RGMA: variants seen among roughly 807,000 people sequenced by gnomAD.
RGMA encodes repulsive guidance molecule A.
A neutral mutation model predicts 23.2 loss-of-function variants in RGMA; 10 were observed. The observed-to-expected ratio is 0.43, with a 90% CI of 0.27 to 0.73. The LOEUF is 0.73. RGMA is among the 30% of genes least tolerant of loss of function. RGMA has a pLI of 0.20. For synonymous variants in RGMA, 308 were observed against 279.3 expected, an observed-to-expected ratio of 1.10 and a Z score of -1.03; for missense variants, 547 against 630.5, an observed-to-expected ratio of 0.87 and a Z score of 1.42.
intron 2 of RGMA, among the ~76,000 whole-genome samples, chr15:93,065,134 T>C (rs920423268): frequency 1.3e-3 from 195 of 152,264 alleles, no homozygotes; most frequent in African/African-American, 4.4e-3. Flanking sequence ...CATGCCACAA[T>C]GCCCAGCTAA....
rs1341680330 is a variant in RGMA at position 93,041,514 on chromosome 15, AG to A, written c.*3483del. 6.6e-6 allele frequency: 1 copy of A among 152,246 alleles called. No homozygotes were observed. The highest frequency in any genetic ancestry group is 2.4e-5 in the African/African-American group (1 of 41,454). 9.4% of individuals were successfully genotyped at this position (152,246 alleles called of 1,614,324 possible). A position where few individuals can be genotyped will look rare whatever the true frequency, so the allele number is the denominator to read the frequency against. On this transcript the variant is annotated 3_prime_UTR_variant, in exon 4 of 4. Coordinates refer to ENST00000329082, the MANE Select transcript of RGMA (RefSeq NM_020211.3). ...AGCATGGCACTTGGGAAAGAATTCC[AG>A]CCGGTTACATTTAGGGTCCTGGAAA...
chr15:93,084,410 G>A (rs6497019), intron 1 of RGMA, among the ~76,000 whole-genome samples: 78,234 of 152,018 alleles, frequency 0.51, 20,873 homozygotes, highest in East Asian at 0.67. Flanking sequence ...AGACTTTGAT[G>A]GAGAGAACCA....
rs370788005 is a variant in RGMA at position 93,055,448 on chromosome 15, G to A, written c.131-2941C>T. ...CTCATTGCATCTTCCCGGTGCGACT[G>A]CCATCCCCAGCTCTCAGGGGAAAGC... On this transcript the variant is annotated intron_variant, in intron 2 of 3. Coordinates refer to ENST00000329082, the MANE Select transcript of RGMA (RefSeq NM_020211.3). 5.3e-5 allele frequency among the ~76,000 whole-genome samples: 8 copies of A among 152,164 alleles called. No individual in the cohort carries two copies. In the East Asian group the frequency reaches 1.5e-3, roughly 29 times the overall value.
intron 2 of RGMA, among the ~76,000 whole-genome samples, chr15:93,067,411 A>G (rs80235424): frequency 0.014 from 2,101 of 152,292 alleles, 55 homozygotes; most frequent in African/African-American, 0.048. Flanking sequence ...GGAGAAAAGA[A>G]GGGCATATAG....
At chr15:93,057,799 C>A (rs2055038063) in intron 2 of RGMA, among the ~76,000 whole-genome samples, 1 of 152,124 alleles carries the variant, frequency 6.6e-6, no homozygotes. Context: ...GTGTTTTCGC[C>A]CAGGGATTGC....
chr15:93,073,065 A>G (rs772723208), intron 1 of RGMA, 34 bp from the exon 2 acceptor site: 25 of 1,522,814 alleles, frequency 1.6e-5, no homozygotes, highest in Non-Finnish European at 2.2e-5. Context: ...AGAAGAAAAT[A>G]AATCACGCTG....
In RGMA at chr15:93,045,420, C is replaced by T; in HGVS notation, c.931G>A (p.Gly311Ser). The T allele has an allele frequency of 6.2e-7, 1 of 1,613,142 alleles. No homozygotes were observed. Among genetic ancestry groups the T allele is most frequent in the Non-Finnish European group, 8.5e-7 (1 of 1,179,808 alleles). Residue 311 changes from glycine (G) to serine (S), a missense_variant, in exon 4 of 4, where the codon GGT (glycine) becomes AGT (serine). Gly to Ser is a moderately conservative substitution (Grantham distance 56). This residue lies in a region of RGMA where 205 missense variants were observed against 204.1 expected (regional missense o/e 1.00). Transcript: ENST00000329082. This position sits in a 1 kb window ranked among gnomAD's most constrained non-coding sequence, Gnocchi z 6.9. ...VNAVEDWDSQ[G>S]LYLCLRGCPL... is the part of the protein sequence containing the mutation. ...CAGCCCCGCAGGCAGAGGTAGAGAC[C>T]CTGGCTGTCCCAGTCCTCCACAGCA...
Position 93,045,634 on chromosome 15 carries a change from G to A in RGMA, c.717C>T (p.Leu239=). ...QKVYQAEMDE[L]PAAFVDGSKN... Reference sequence around the variant, plus strand: ...TAGAGCCATCCACGAAGGCGGCCGGGAGCTCGTCCATCTCAGCCTGGTACA... The same window carrying A: ...TAGAGCCATCCACGAAGGCGGCCGGAAGCTCGTCCATCTCAGCCTGGTACA... Residue 239 remains leucine (L), a synonymous_variant, in exon 4 of 4, where the codon CTC becomes CTT. Coordinates refer to ENST00000329082, the MANE Select transcript of RGMA (RefSeq NM_020211.3). The surrounding 1 kb of genome is among the most constrained non-coding windows in gnomAD (Gnocchi z 6.9). The A allele has an allele frequency of 1.2e-6, 2 of 1,612,028 alleles. No homozygotes were observed. Among genetic ancestry groups the A allele is most frequent in the South Asian group, 2.2e-5 (2 of 91,078 alleles).
At position 93,044,573 on chromosome 15, in the gene RGMA, T is replaced by G. The variant is rs1045727617; in HGVS notation, c.*425A>C. On this transcript the variant is annotated 3_prime_UTR_variant, in exon 4 of 4. Coordinates refer to ENST00000329082, the MANE Select transcript of RGMA (RefSeq NM_020211.3). ...TCGAGTGTGCTCTCGTGTAAGAGTG[T>G]GTGCGTGCGTGTGGCGGGCACAGGG... is the stretch of plus-strand genomic sequence containing the variant. The G allele has an allele frequency of 4.3e-6, 1 of 230,060 alleles. No individual in the cohort carries two copies. Among genetic ancestry groups the G allele is most frequent in the African/African-American group, 2.3e-5 (1 of 43,814 alleles). 14.3% of individuals were successfully genotyped at this position (230,060 alleles called of 1,614,324 possible).
intron 1 of RGMA, 21 bp downstream of exon 1, chr15:93,088,898 C>T (rs1294006379): frequency 4.1e-6 from 6 of 1,479,814 alleles, no homozygotes; most frequent in South Asian, 2.6e-5. Context: ...CGGGTCTGCC[C>T]GGCTCCCGAC....
intron 1 of RGMA, among the ~76,000 whole-genome samples, chr15:93,081,267 A>T (rs1470399304): frequency 6.6e-6 from 1 of 152,166 alleles, no homozygotes; most frequent in East Asian, 1.9e-4. Context: ...GTAACTAACC[A>T]GCCTTGCCCA....
At chr15:93,056,645 C>A (rs1224016051) in intron 2 of RGMA, among the ~76,000 whole-genome samples, 2 of 152,194 alleles carry the variant, frequency 1.3e-5, no homozygotes, top group Non-Finnish European at 2.9e-5. Flanking sequence ...GAGCTCCGTG[C>A]CCCACTATTC....
intron 2 of RGMA, among the ~76,000 whole-genome samples, chr15:93,072,188 C>G (rs1596102917): frequency 2.0e-5 from 3 of 152,096 alleles, no homozygotes; most frequent in African/African-American, 7.2e-5. Flanking sequence ...GGTCTCCCTT[C>G]CCCCAACAAA....
rs554495558 is a variant in RGMA at position 93,063,759 on chromosome 15, A to G, written c.130+9157T>C. Among the ~76,000 whole-genome samples, 5 of 152,250 alleles carry G rather than the reference A, an allele frequency of 3.3e-5. No homozygotes were observed. In the East Asian group the frequency reaches 9.7e-4, roughly 29 times the overall value. On this transcript the variant is annotated intron_variant, in intron 2 of 3. Transcript: ENST00000329082. ...CTCCCACCCTTTGAATCCACTGGAA[A>G]TTTTCTAGGAGGTTTTCTCTAGAAA...
intron 1 of RGMA, chr15:93,073,261 C>A: frequency 3.1e-6 from 3 of 972,060 alleles, no homozygotes; most frequent in South Asian, 9.9e-5. Flanking sequence ...CTGCGCACCG[C>A]CCCCTCGCGC....
intron 2 of RGMA, among the ~76,000 whole-genome samples, chr15:93,054,229 CAAA>C (rs34699802): frequency 9.0e-6 from 1 of 110,938 alleles, no homozygotes; most frequent in Non-Finnish European, 1.8e-5. Flanking sequence ...GACTCCATCT[CAAA>C]AAAAAAAAAA....
chr15:93,071,056 G>C (rs1175394514), intron 2 of RGMA, among the ~76,000 whole-genome samples: 1 of 152,160 alleles, frequency 6.6e-6, no homozygotes, highest in Non-Finnish European at 1.5e-5. Flanking sequence ...GCAGCTTTAA[G>C]AGCGGGAAGG....
At chr15:93,077,550 G>C (rs1460801841) in intron 1 of RGMA, among the ~76,000 whole-genome samples, 1 of 152,204 alleles carries the variant, frequency 6.6e-6, no homozygotes, top group Non-Finnish European at 1.5e-5. Context: ...AATGGTGATT[G>C]CAAGTGACTC....
chr15:93,038,666 C>G lies in RGMA; in HGVS notation c.*6332G>C, dbSNP rs1351130513. Reference sequence around the variant, plus strand: ...CTCTGCTTGCTGCAAGTTCTGCCTCCCGGGTTCACGCCACTCTCTTGCCTC... The same window carrying G: ...CTCTGCTTGCTGCAAGTTCTGCCTCGCGGGTTCACGCCACTCTCTTGCCTC... On this transcript the variant is annotated 3_prime_UTR_variant, in exon 4 of 4. Transcript: ENST00000329082. 1.3e-5 allele frequency: 2 copies of G among 149,194 alleles called. No individual in the cohort carries two copies. The highest frequency in any genetic ancestry group is 5.0e-5 in the African/African-American group (2 of 40,306). 9.2% of individuals were successfully genotyped at this position (149,194 alleles called of 1,614,324 possible). A position where few individuals can be genotyped will look rare whatever the true frequency, so the allele number is the denominator to read the frequency against.
Sources: allele counts gnomAD v4.1 joint callset (sites outside exome capture counted in the v4.1 genomes callset), GRCh38; gene constraint gnomAD v4.1.1; regional missense constraint gnomAD v4.1.1; non-coding constraint Gnocchi (gnomAD v3.1); transcripts MANE v1.5; gene names NCBI Gene and HGNC (gene_info 2026-07-23, HGNC 2026-07-21).